The following SMCP variants were observed in gnomAD, a reference collection of about 807,000 sequenced individuals.
The protein encoded by SMCP is sperm mitochondrial-associated cysteine-rich protein.
For synonymous variants in SMCP, 41 were observed against 46.9 expected, an observed-to-expected ratio of 0.87 and a Z score of 0.51; for missense variants, 137 against 137.1, an observed-to-expected ratio of 1.00 and a Z score of 0.01.
chr1:152,882,913 A>G (rs552202182), intron 1 of SMCP, among the ~76,000 whole-genome samples: 1 of 152,322 alleles, frequency 6.6e-6, no homozygotes, highest in Admixed American at 6.5e-5. Context: ...GCGTGGTGGT[A>G]GGCATCTGTA....
Position 152,884,885 on chromosome 1 carries a change from C to A in SMCP, c.*112C>A. ...CCTGTGTTTAGAGAAGCAGTTTTCACAGTGACTACCATTTCCACCCAATGA... is the reference window on the plus strand; with the variant it reads ...CCTGTGTTTAGAGAAGCAGTTTTCAAAGTGACTACCATTTCCACCCAATGA... On this transcript the variant is annotated 3_prime_UTR_variant, in exon 2 of 2. Coordinates refer to ENST00000368765, the MANE Select transcript of SMCP (RefSeq NM_030663.3). 1 of 907,604 alleles carries A rather than the reference C, an allele frequency of 1.1e-6. No individual in the cohort carries two copies. The highest frequency in any genetic ancestry group is 1.7e-6 in the Non-Finnish European group (1 of 596,948). The allele number at this position is 907,604 out of a possible 1,614,324, so 56.2% of individuals were successfully genotyped here.
rs546864639 is a variant in SMCP, at chr1:152,878,376, A to G, written c.-91A>G. ...CTCACTAGGCTGCTGAGGAAGATCA[A>G]TAATACCTACTGGAATCAGTCATGA... On this transcript the variant is annotated 5_prime_UTR_variant, in exon 1 of 2. Transcript: ENST00000368765. 1.2e-3 allele frequency: 185 copies of G among 152,786 alleles called. 1 individual carries two copies. The highest frequency in any genetic ancestry group is 4.2e-3 in the African/African-American group (175 of 41,578). The allele number at this position is 152,786 out of a possible 1,614,324, so 9.5% of individuals were successfully genotyped here. A position where few individuals can be genotyped will look rare whatever the true frequency, so the allele number is the denominator to read the frequency against.
chr1:152,883,605 T>G (rs1295417045), intron 1 of SMCP, among the ~76,000 whole-genome samples: 1 of 152,086 alleles, frequency 6.6e-6, no homozygotes, highest in Admixed American at 6.5e-5. Context: ...AGTGGTTGAG[T>G]TTGAGGACAC....
chr1:152,881,681 C>T lies in SMCP; in HGVS notation c.-20-2722C>T, dbSNP rs868675149. On this transcript the variant is annotated intron_variant, in intron 1 of 1. Transcript: ENST00000368765. Reference sequence around the variant, plus strand: ...CCGCAGTCCGGCCTGGGCGACAGAGCGAGACTCCGTCTCAAAAAAAAAAAA... The same window carrying T: ...CCGCAGTCCGGCCTGGGCGACAGAGTGAGACTCCGTCTCAAAAAAAAAAAA... 6.7e-3 allele frequency among the ~76,000 whole-genome samples: 884 copies of T among 131,584 alleles called. 4 individuals are homozygous for T. The highest frequency in any genetic ancestry group is 9.9e-3 in the South Asian group (40 of 4,050). The allele number at this position is 131,584 out of a possible 152,430, so 86.3% of individuals were successfully genotyped here.
intron 1 of SMCP, among the ~76,000 whole-genome samples, 191 bp downstream of exon 1, chr1:152,878,637 A>C (rs1648941879): frequency 6.6e-6 from 1 of 152,198 alleles, no homozygotes; most frequent in Admixed American, 6.5e-5. Context: ...CATGGGAGCC[A>C]CTGGGGGTGG....
intron 1 of SMCP, 28 bp from the exon 2 acceptor site, chr1:152,884,375 T>A (rs368526151): frequency 2.5e-6 from 4 of 1,583,848 alleles, no homozygotes; most frequent in Non-Finnish European, 2.6e-6. Context: ...GATTTCCTTC[T>A]GATGAGAATA....
At position 152,879,614 on chromosome 1, in the gene SMCP, A is replaced by G. The variant is rs544500679; in HGVS notation, c.-21+1168A>G. 2.0e-5 allele frequency among the ~76,000 whole-genome samples: 3 copies of G among 152,304 alleles called. No homozygotes were observed. The South Asian group carries it at 6.2e-4, about 32-fold the overall frequency. ...GGAGCCAGGGTTCTGAAAGTGGAGG[A>G]TATAGATACTATTCACCAGGCAGAA... On this transcript the variant is annotated intron_variant, in intron 1 of 1. Transcript: ENST00000368765.
At chr1:152,878,471 T>C (rs1648937803) in intron 1 of SMCP, 25 bp downstream of exon 1, 2 of 152,700 alleles carry the variant, frequency 1.3e-5, no homozygotes, top group Admixed American at 1.3e-4. Flanking sequence ...CATTGTCTTT[T>C]GGGTCCTCTC....
chr1:152,881,360 A>G (rs1033701175), intron 1 of SMCP, among the ~76,000 whole-genome samples: 6 of 152,048 alleles, frequency 3.9e-5, no homozygotes, highest in African/African-American at 1.2e-4. Context: ...TTTTTGTCCT[A>G]CTGGGGTGGA....
chr1:152,880,252 G>C (rs1487480059), intron 1 of SMCP, among the ~76,000 whole-genome samples: 1 of 152,178 alleles, frequency 6.6e-6, no homozygotes, highest in Non-Finnish European at 1.5e-5. Flanking sequence ...TAAGGGAGCA[G>C]ATTCAAACAA....
At chr1:152,881,022 T>C (rs1649018218) in intron 1 of SMCP, among the ~76,000 whole-genome samples, 1 of 586 alleles carries the variant, frequency 1.7e-3, no homozygotes, top group Non-Finnish European at 3.8e-3. Flanking sequence ...CTCCAATGGT[T>C]CAGAAAGTGA....
rs143397836 is a variant in SMCP, at chr1:152,882,659, G to GCACACACA, written c.-20-1728_-20-1721dup. 2.2e-3 allele frequency among the ~76,000 whole-genome samples: 324 copies of GCACACACA among 150,084 alleles called. 3 individuals carry two copies. The highest frequency in any genetic ancestry group is 7.5e-3 in the African/African-American group (309 of 41,172). ...GACACATGCCTACATGCACTTAGGT[G>GCACACACA]CACACACACACACACACACACACTC... On this transcript the variant is annotated intron_variant, in intron 1 of 1. Coordinates refer to ENST00000368765, the MANE Select transcript of SMCP (RefSeq NM_030663.3).
At chr1:152,882,352 A>G (rs969040065) in intron 1 of SMCP, among the ~76,000 whole-genome samples, 3 of 152,208 alleles carry the variant, frequency 2.0e-5, no homozygotes, top group African/African-American at 7.2e-5. Context: ...ACACAAAAGA[A>G]GAGGACAAGA....
At chr1:152,883,977 G>A (rs1481853933) in intron 1 of SMCP, among the ~76,000 whole-genome samples, 4 of 152,158 alleles carry the variant, frequency 2.6e-5, no homozygotes, top group Non-Finnish European at 5.9e-5. Flanking sequence ...AAGCAACTGA[G>A]GTGGATTTTT....
intron 1 of SMCP, among the ~76,000 whole-genome samples, chr1:152,880,635 C>T (rs1354827949): frequency 2.0e-5 from 3 of 152,084 alleles, no homozygotes; most frequent in African/African-American, 4.8e-5. Flanking sequence ...CTTGTCCCCA[C>T]CCCCATCCTT....
chr1:152,879,291 G>C (rs1479168123), intron 1 of SMCP, among the ~76,000 whole-genome samples: 1 of 152,148 alleles, frequency 6.6e-6, no homozygotes, highest in Admixed American at 6.5e-5. Context: ...TGAGGTCTCG[G>C]CTCACTGTAA....
chr1:152,879,467 C>A (rs1648968126), intron 1 of SMCP, among the ~76,000 whole-genome samples: 1 of 152,150 alleles, frequency 6.6e-6, no homozygotes, highest in Admixed American at 6.5e-5. Context: ...GTGATTCACC[C>A]GTCCCAGCCT....
rs1366083234 is a variant in SMCP, at chr1:152,884,475, G to T, written c.53G>T (p.Cys18Phe). ...TGCTGCCCAGCAAAAGGCAATCAAT[G>T]CTGCCCACCACAGCAGAACCAGTGC... ...SKCCPAKGNQ[C>F]CPPQQNQCCQ... The change falls in exon 2 of 2, where the codon TGC (cysteine) becomes TTC (phenylalanine). Residue 18 changes from cysteine to phenylalanine, a missense_variant. Transcript: ENST00000368765. The T allele has an allele frequency of 1.2e-6, 2 of 1,614,026 alleles. No individual in the cohort carries two copies. The highest frequency in any genetic ancestry group is 1.7e-6 in the Non-Finnish European group (2 of 1,179,920).
intron 1 of SMCP, among the ~76,000 whole-genome samples, chr1:152,879,650 G>A (rs2101621669): frequency 6.6e-6 from 1 of 152,310 alleles, no homozygotes. Flanking sequence ...GGAAGACAGT[G>A]GAGACAGCAC....
Sources: allele counts gnomAD v4.1 joint callset (sites outside exome capture counted in the v4.1 genomes callset), GRCh38; gene constraint gnomAD v4.1.1; transcripts MANE v1.5; gene names NCBI Gene and HGNC (gene_info 2026-07-23, HGNC 2026-07-21).